LRRC69: variants seen among roughly 807,000 people sequenced by gnomAD.
LRRC69 encodes leucine-rich repeat-containing protein 69.
LRRC69 carries 42 observed loss-of-function variants against 37.8 expected under a neutral mutation model. The ratio of observed to expected loss-of-function variants is 1.11; its 90% CI spans 0.87 to 1.44. The LOEUF is 1.44. LRRC69 is among the 40% of genes most tolerant of loss of function. The probability of loss-of-function intolerance (pLI) is 0.00; values close to 1 mark genes in which losing one functional copy is unlikely to be tolerated. For missense variants in LRRC69, 357 were observed against 401.9 expected (o/e 0.89, Z 0.96); for synonymous variants, 141 against 143.1 (o/e 0.99, Z 0.11).
chr8:91,130,776 A>C (rs1389988035), intron 3 of LRRC69: 1 of 151,988 alleles, frequency 6.6e-6, no homozygotes, highest in Admixed American at 6.6e-5. Flanking sequence ...ACAGAAATTT[A>C]TTTCTCATAG....
At chr8:91,203,393 T>C (rs1809742852) in intron 7 of LRRC69, among the ~76,000 whole-genome samples, 1 of 151,930 alleles carries the variant, frequency 6.6e-6, no homozygotes, top group South Asian at 2.1e-4. Context: ...TACCTATCTT[T>C]TTTTTTTTTT....
intron 1 of LRRC69, among the ~76,000 whole-genome samples, chr8:91,116,588 A>C (rs552787820): frequency 6.6e-6 from 1 of 151,934 alleles, no homozygotes; most frequent in South Asian, 2.1e-4. Context: ...CATTCTGAGC[A>C]ATAGTAAATT....
chr8:91,108,249 CA>C (rs1476801074), intron 1 of LRRC69, among the ~76,000 whole-genome samples: 1 of 152,034 alleles, frequency 6.6e-6, no homozygotes, highest in African/African-American at 2.4e-5. Context: ...CTCTCCTTTT[CA>C]TACTTTTGCT....
intron 5 of LRRC69, among the ~76,000 whole-genome samples, chr8:91,171,438 G>C (rs1459447177): frequency 6.6e-6 from 1 of 151,958 alleles, no homozygotes; most frequent in Non-Finnish European, 1.5e-5. Flanking sequence ...CCTGCTCCCT[G>C]ATTAAAATGC....
At chr8:91,135,731 C>T in exon 5 of LRRC69, 1 of 1,432,518 alleles carries the variant, frequency 7.0e-7, no homozygotes, top group South Asian at 1.5e-5. Context: ...TCAGATATTT[C>T]CATCAGGAGT....
intron 7 of LRRC69, among the ~76,000 whole-genome samples, chr8:91,204,580 G>C (rs1321671763): frequency 1.3e-5 from 2 of 152,176 alleles, no homozygotes; most frequent in East Asian, 3.8e-4. Flanking sequence ...GCAGAACAAA[G>C]GCTCCTGCAT....
intron 5 of LRRC69, among the ~76,000 whole-genome samples, chr8:91,165,199 G>T (rs373163059): frequency 2.6e-5 from 4 of 151,808 alleles, no homozygotes; most frequent in African/African-American, 9.6e-5. Context: ...TAGAGTCTTT[G>T]CTGGCATTCC....
chr8:91,157,371 A>G, intron 5 of LRRC69: 1 of 1,608,114 alleles, frequency 6.2e-7, no homozygotes, highest in Non-Finnish European at 8.5e-7. Flanking sequence ...CCACTAATGC[A>G]GATCCTGTAT....
chr8:91,181,797 G>A (rs770820245), intron 5 of LRRC69, among the ~76,000 whole-genome samples: 21 of 152,100 alleles, frequency 1.4e-4, no homozygotes, highest in Non-Finnish European at 2.6e-4. Flanking sequence ...TGGCAGCAAT[G>A]GTCCCCATGA....
At chr8:91,176,134 A>ATATATTTT in intron 5 of LRRC69, among the ~76,000 whole-genome samples, 2,635 of 75,548 alleles carry the variant, frequency 0.035, 81 homozygotes, top group Middle Eastern at 0.053. Context: ...ATATATATAT[A>ATATATTTT]TTTTTTTTTT....
chr8:91,121,804 C>CT (rs1216479549), intron 1 of LRRC69, among the ~76,000 whole-genome samples: 1 of 152,006 alleles, frequency 6.6e-6, no homozygotes, highest in East Asian at 1.9e-4. Flanking sequence ...GACCCACCTG[C>CT]TTTAAGAGAT....
Position 91,181,448 on chromosome 8 carries a change from A to G in LRRC69, c.652-8074A>G, listed in dbSNP as rs543915987. 2.6e-5 allele frequency among the ~76,000 whole-genome samples: 4 copies of G among 152,312 alleles called. No homozygotes were observed. In the South Asian group the frequency reaches 8.3e-4, roughly 32 times the overall value. On this transcript the variant is annotated intron_variant, in intron 5 of 7. Transcript: ENST00000448384. Reference sequence around the variant, plus strand: ...TGAAGTCATTTCATCTTTTTCACATACAGATATAGAGAAATTTCATTATAA... The same window carrying G: ...TGAAGTCATTTCATCTTTTTCACATGCAGATATAGAGAAATTTCATTATAA...
chr8:91,151,846 G>A (rs970056293), intron 5 of LRRC69, among the ~76,000 whole-genome samples: 2 of 151,556 alleles, frequency 1.3e-5, no homozygotes, highest in Admixed American at 1.3e-4. Flanking sequence ...TCTGACTTTT[G>A]TGGGATGGTA....
intron 1 of LRRC69, among the ~76,000 whole-genome samples, chr8:91,116,994 T>C (rs72664492): frequency 0.048 from 7,331 of 152,074 alleles, 294 homozygotes; most frequent in Non-Finnish European, 0.066. Flanking sequence ...ACATGCCTAT[T>C]TTAAGGCAGG....
intron 5 of LRRC69, among the ~76,000 whole-genome samples, chr8:91,173,162 G>T (rs756746727): frequency 6.6e-6 from 1 of 151,928 alleles, no homozygotes; most frequent in Non-Finnish European, 1.5e-5. Context: ...GAATAGTGTG[G>T]CTATGGGGTA....
chr8:91,127,039 A>G, intron 2 of LRRC69, 49 bp from the exon 3 acceptor site: 3 of 1,425,670 alleles, frequency 2.1e-6, no homozygotes, highest in Non-Finnish European at 2.9e-6. Context: ...AAAAGTGACT[A>G]AAAATTATCT....
chr8:91,218,299 G>A (rs566539534), intron 7 of LRRC69, among the ~76,000 whole-genome samples: 2 of 152,016 alleles, frequency 1.3e-5, no homozygotes, highest in South Asian at 4.2e-4. Context: ...AAACATAAAT[G>A]GTCAATATAT....
exon 2 of LRRC69, chr8:91,124,614 C>T: frequency 6.5e-7 from 1 of 1,532,306 alleles, no homozygotes; most frequent in South Asian, 1.2e-5. Flanking sequence ...GCACCTGGAG[C>T]CTGTGGTAAT....
intron 5 of LRRC69, among the ~76,000 whole-genome samples, chr8:91,140,048 A>C (rs1808505088): frequency 6.8e-6 from 1 of 147,346 alleles, no homozygotes. Flanking sequence ...ACATCATTGC[A>C]CCATTGCACT....
Sources: gnomAD v4.1 joint callset for allele counts (sites outside exome capture counted in the v4.1 genomes callset) on GRCh38, gnomAD v4.1.1 for gene constraint, MANE v1.5 for transcripts, NCBI Gene and HGNC (gene_info 2026-07-23, HGNC 2026-07-21) for gene names.